PDS5B: variants seen among roughly 807,000 people sequenced by gnomAD.
The protein encoded by PDS5B is sister chromatid cohesion protein PDS5 homolog B.
Under a neutral mutation model 184.1 loss-of-function variants are expected in PDS5B, and 51 were observed. The ratio of observed to expected loss-of-function variants is 0.28; its 90% confidence interval spans 0.22 to 0.35. PDS5B has a LOEUF of 0.35. Among genes scored for constraint, PDS5B ranks in the 10% least tolerant of loss-of-function variants. The pLI is 1.00. For synonymous variants in PDS5B, 566 were observed against 569.2 expected (o/e 0.99, Z 0.08); for missense variants, 1,180 against 1,723.3 (o/e 0.68, Z 5.58).
chr13:32,600,616 G>GT (rs1160360811), intron 1 of PDS5B, among the ~76,000 whole-genome samples: 1 of 152,192 alleles, frequency 6.6e-6, no homozygotes, highest in Non-Finnish European at 1.5e-5. Flanking sequence ...GCAGGCGCCT[G>GT]TAATCCCAGC....
At chr13:32,592,034 C>T (rs1417083229) in intron 1 of PDS5B, among the ~76,000 whole-genome samples, 1 of 152,180 alleles carries the variant, frequency 6.6e-6, no homozygotes, top group African/African-American at 2.4e-5. Flanking sequence ...AAGCGACACA[C>T]AGGAAGGGAG....
At chr13:32,684,783 A>AT (rs565721597) in intron 11 of PDS5B, among the ~76,000 whole-genome samples, 195 of 152,248 alleles carry the variant, frequency 1.3e-3, no homozygotes, top group African/African-American at 4.3e-3. Context: ...AGGCCTGCCT[A>AT]TTGGTTGTTG....
chr13:32,656,888 G>T (rs886996796), intron 3 of PDS5B, among the ~76,000 whole-genome samples: 1 of 152,148 alleles, frequency 6.6e-6, no homozygotes, highest in Non-Finnish European at 1.5e-5. Flanking sequence ...GAGCCACTGT[G>T]CCTGGCTGGT....
chr13:32,697,735 G>C (rs1421483661), intron 15 of PDS5B, among the ~76,000 whole-genome samples: 1 of 152,138 alleles, frequency 6.6e-6, no homozygotes, highest in Non-Finnish European at 1.5e-5. Flanking sequence ...TTAGAGGTGA[G>C]ATCTTGCTCT....
Position 32,724,209 on chromosome 13 carries a change from T to G in PDS5B, c.2124-7892T>G, listed in dbSNP as rs568060729. Among the ~76,000 whole-genome samples, 9 of 152,268 alleles carry G rather than the reference T, an allele frequency of 5.9e-5. No individual in the cohort carries two copies. In the South Asian group the frequency reaches 1.5e-3, roughly 25 times the overall value. Reference sequence around the variant, plus strand: ...GTAGCTCACTGCGGCCTTGAACTTCTGGGCTCAAGTGACCATCCCACCTCA... The same window carrying G: ...GTAGCTCACTGCGGCCTTGAACTTCGGGGCTCAAGTGACCATCCCACCTCA... On this transcript the variant is annotated intron_variant, in intron 19 of 34. Coordinates refer to ENST00000315596, the MANE Select transcript of PDS5B (RefSeq NM_015032.4).
At chr13:32,631,806 C>T (rs2058460079) in intron 1 of PDS5B, among the ~76,000 whole-genome samples, 1 of 152,166 alleles carries the variant, frequency 6.6e-6, no homozygotes, top group South Asian at 2.1e-4. Flanking sequence ...ATGAATTGAG[C>T]ACCTGAAGTT....
chr13:32,756,080 C>T (rs1954166392), intron 26 of PDS5B, 124 bp downstream of exon 26: 3 of 535,118 alleles, frequency 5.6e-6, no homozygotes, highest in Non-Finnish European at 6.7e-6. Context: ...GTTTAAGGTT[C>T]TTTATTTGCT....
chr13:32,595,247 C>T (rs2057843767), intron 1 of PDS5B, among the ~76,000 whole-genome samples: 1 of 152,078 alleles, frequency 6.6e-6, no homozygotes, highest in African/African-American at 2.4e-5. Context: ...CTTGACTTCT[C>T]CATCTCCCCT....
intron 3 of PDS5B, among the ~76,000 whole-genome samples, chr13:32,657,454 T>G (rs498372): frequency 0.23 from 35,517 of 152,108 alleles, 4,441 homozygotes; most frequent in South Asian, 0.38. Flanking sequence ...CCTATCAGTG[T>G]CGTTGCATAT....
chr13:32,651,345 GT>G (rs974350933), intron 2 of PDS5B, among the ~76,000 whole-genome samples: 46 of 152,238 alleles, frequency 3.0e-4, no homozygotes, highest in Admixed American at 7.8e-4. Context: ...GACTGGAGTG[GT>G]TTAATGACTT....
At chr13:32,733,023 A>G (rs964851093) in intron 20 of PDS5B, among the ~76,000 whole-genome samples, 12 of 152,126 alleles carry the variant, frequency 7.9e-5, no homozygotes, top group Non-Finnish European at 1.3e-4. Context: ...TCCAAACACC[A>G]TCTTTCCTGT....
At chr13:32,591,603 A>G (rs1382233872) in intron 1 of PDS5B, among the ~76,000 whole-genome samples, 1 of 152,200 alleles carries the variant, frequency 6.6e-6, no homozygotes, top group Non-Finnish European at 1.5e-5. Flanking sequence ...CCAGCAGCGT[A>G]TGAGAATGCC....
intron 19 of PDS5B, among the ~76,000 whole-genome samples, chr13:32,716,163 C>A (rs1304642007): frequency 1.6e-5 from 2 of 128,940 alleles, no homozygotes; most frequent in African/African-American, 5.9e-5. Flanking sequence ...GCTGCCCAGT[C>A]TGGATAGTGA....
At chr13:32,738,966 G>A (rs751702348) in intron 21 of PDS5B, among the ~76,000 whole-genome samples, 3 of 151,944 alleles carry the variant, frequency 2.0e-5, no homozygotes, top group Non-Finnish European at 2.9e-5. Context: ...GCCACCACGC[G>A]CCTGGCCTGA....
chr13:32,696,952 T>G (rs776292494), intron 15 of PDS5B, 50 bp downstream of exon 15: 1 of 1,117,790 alleles, frequency 8.9e-7, no homozygotes, highest in Admixed American at 2.2e-5. Context: ...TTGGAACATT[T>G]TTTATAATTT....
chr13:32,670,255 C>T lies in PDS5B; in HGVS notation c.705+2411C>T, dbSNP rs138282341. ...TGTTTGAGACAGAGTCTTGCTCTGT[C>T]ACCCAGGCTGGAGTTCAGTGGTGTG... On this transcript the variant is annotated intron_variant, in intron 7 of 34. Coordinates refer to ENST00000315596, the MANE Select transcript of PDS5B (RefSeq NM_015032.4). 8.5e-5 allele frequency among the ~76,000 whole-genome samples: 13 copies of T among 152,156 alleles called. No individual in the cohort carries two copies. In the East Asian group the frequency reaches 2.5e-3, roughly 29 times the overall value.
Position 32,678,902 on chromosome 13 carries a change from C to A in PDS5B, c.1030C>A (p.His344Asn). The change falls in exon 10 of 35, where the codon CAT becomes AAT. Residue 344 changes from histidine (H) to asparagine (N), a missense_variant. Coordinates refer to ENST00000315596, the MANE Select transcript of PDS5B (RefSeq NM_015032.4). ...ATTTGCTAGCCATTGTCTCATGAAC[C>A]ATCCTGATTTAGCAAAAGACTTAAC... ...VKFASHCLMN[H>N]PDLAKDLTEY... The A allele has an allele frequency of 6.2e-7, 1 of 1,601,576 alleles. No homozygotes were observed. The highest frequency in any genetic ancestry group is 8.6e-7 in the Non-Finnish European group (1 of 1,168,784).
intron 1 of PDS5B, among the ~76,000 whole-genome samples, chr13:32,632,030 G>A (rs927311354): frequency 6.6e-6 from 1 of 152,076 alleles, no homozygotes; most frequent in African/African-American, 2.4e-5. Context: ...GAATTAAGTT[G>A]GACCTCTCCT....
At chr13:32,666,460 G>C (rs748053197) in intron 6 of PDS5B, among the ~76,000 whole-genome samples, 1 of 152,142 alleles carries the variant, frequency 6.6e-6, no homozygotes, top group Non-Finnish European at 1.5e-5. Flanking sequence ...GAGAAGATTT[G>C]TAATGTTCCC....
Sources: gnomAD v4.1 joint callset for allele counts (sites outside exome capture counted in the v4.1 genomes callset) on GRCh38, gnomAD v4.1.1 for gene constraint, MANE v1.5 for transcripts, NCBI Gene and HGNC (gene_info 2026-07-23, HGNC 2026-07-21) for gene names.